The following ZNF44 variants were observed in gnomAD, a reference collection of about 807,000 sequenced individuals.
ZNF44 encodes the protein gonadotropin inducible transcription repressor-2.
ZNF44 carries 9 observed loss-of-function variants against 11.7 expected under a neutral mutation model. That is an observed-to-expected ratio of 0.77 (90% CI 0.46 to 1.35). The LOEUF (loss-of-function observed/expected upper bound fraction) is 1.35, where lower values mean the gene tolerates loss of function less well. Ranked by LOEUF, ZNF44 falls within the 40% of genes most tolerant of loss-of-function variation. The pLI is 0.00. For synonymous variants in ZNF44, 224 were observed against 242.7 expected (o/e 0.92, Z 0.72); for missense variants, 696 against 743.1 (o/e 0.94, Z 0.74).
At chr19:12,253,348 C>A (rs1010254022) in intron 5 of ZNF44, among the ~76,000 whole-genome samples, 1 of 151,882 alleles carries the variant, frequency 6.6e-6, no homozygotes, top group African/African-American at 2.4e-5. Flanking sequence ...TGCCACCACA[C>A]CTGGCTAATT....
intron 1 of ZNF44, among the ~76,000 whole-genome samples, chr19:12,282,680 C>T (rs1967532309): frequency 6.6e-6 from 1 of 152,088 alleles, no homozygotes; most frequent in Non-Finnish European, 1.5e-5. Context: ...ACCTAGGCCT[C>T]CCAAAGTGCT....
chr19:12,235,283 G>A (rs187814031), intron 1 of ZNF44, among the ~76,000 whole-genome samples: 1 of 152,092 alleles, frequency 6.6e-6, no homozygotes, highest in Admixed American at 6.6e-5. Context: ...GCAGGAGAAT[G>A]GCGTGAACCT....
chr19:12,248,091 T>C (rs1182378168), exon 8 of ZNF44: 1 of 1,314,566 alleles, frequency 7.6e-7, no homozygotes, highest in Admixed American at 2.2e-5. Context: ...TATGTAGGTT[T>C]TTCCACATTG....
At chr19:12,259,917 T>C (rs1917429160) in intron 5 of ZNF44, among the ~76,000 whole-genome samples, 1 of 152,194 alleles carries the variant, frequency 6.6e-6, no homozygotes, top group African/African-American at 2.4e-5. Context: ...CAGTCCATCA[T>C]CTAATGGCTG....
intron 5 of ZNF44, among the ~76,000 whole-genome samples, chr19:12,264,211 C>A (rs1385155997): frequency 6.6e-6 from 1 of 152,216 alleles, no homozygotes; most frequent in Non-Finnish European, 1.5e-5. Flanking sequence ...CCCCAGTTTT[C>A]CAATGCTCAG....
Position 12,272,606 on chromosome 19 carries a change from T to C in ZNF44, c.1649A>G (p.His550Arg). ...TCTTTCTCCAGTGTGAGTCCTTTCATGTCTTAGAAGGAAAGAGGGCCAAAA... is the reference window on the plus strand; with the variant it reads ...TCTTTCTCCAGTGTGAGTCCTTTCACGTCTTAGAAGGAAAGAGGGCCAAAA... ...AFFWPSFLLRHERTHTGERPY... is the reference protein window; with the variant it reads ...AFFWPSFLLRRERTHTGERPY... Residue 550 changes from histidine to arginine, a missense_variant, in exon 4 of 4, where the codon CAT (histidine) becomes CGT (arginine). Physicochemically the swap from His to Arg is conservative, Grantham distance 29 (BLOSUM62 0). Coordinates refer to ENST00000355684, the MANE Select transcript of ZNF44 (RefSeq NM_016264.4). 4 of 1,613,372 alleles carry C rather than the reference T, an allele frequency of 2.5e-6. No individual in the cohort carries two copies. Among genetic ancestry groups the C allele is most frequent in the Non-Finnish European group, 3.4e-6 (4 of 1,179,694 alleles).
At chr19:12,242,606 T>C (rs1441188046) in intron 6 of ZNF44, 2 of 145,586 alleles carry the variant, frequency 1.4e-5, no homozygotes, top group Non-Finnish European at 3.0e-5. Context: ...GAAGATCCCT[T>C]GAGCCCAGGA....
chr19:12,229,472 C>T (rs1916064698), intron 3 of ZNF44, among the ~76,000 whole-genome samples: 1 of 151,948 alleles, frequency 6.6e-6, no homozygotes, highest in South Asian at 2.1e-4. Flanking sequence ...CCAAGAGTGG[C>T]AAGACAGAGT....
chr19:12,292,862 T>G (rs944402924), intron 1 of ZNF44, among the ~76,000 whole-genome samples: 11 of 118,200 alleles, frequency 9.3e-5, no homozygotes, highest in East Asian at 4.2e-4. Flanking sequence ...TAGGTTTTTT[T>G]TTTTTTTTTT....
At chr19:12,228,101 AAT>A (rs1232226665) in intron 3 of ZNF44, among the ~76,000 whole-genome samples, 5 of 152,140 alleles carry the variant, frequency 3.3e-5, no homozygotes, top group Non-Finnish European at 5.9e-5. Flanking sequence ...AACTTTAGCC[AAT>A]ATGTTTACAC....
At position 12,287,250 on chromosome 19, in the gene ZNF44, C is replaced by CT. The variant is rs920921546; in HGVS notation, c.3+7441dup. On this transcript the variant is annotated intron_variant, in intron 1 of 3. Coordinates refer to ENST00000355684, the MANE Select transcript of ZNF44 (RefSeq NM_016264.4). ...ACTGTCCACATATATACACATTCTT[C>CT]TTTTTTTTTCCTTGAGACGGAATCT... Among the ~76,000 whole-genome samples, 5 of 151,114 alleles carry CT rather than the reference C, an allele frequency of 3.3e-5. No homozygotes were observed. The South Asian group carries it at 1.0e-3, about 32-fold the overall frequency.
chr19:12,271,120 C>T (rs957658228), downstream of ZNF44, among the ~76,000 whole-genome samples: 3 of 152,102 alleles, frequency 2.0e-5, no homozygotes, highest in Non-Finnish European at 4.4e-5. Flanking sequence ...TTGATTTGGA[C>T]ACGCGAAAAA....
downstream of ZNF44, among the ~76,000 whole-genome samples, chr19:12,244,896 A>T (rs75417344): frequency 6.6e-6 from 1 of 152,330 alleles, no homozygotes; most frequent in African/African-American, 2.4e-5. Context: ...CACAAATCCT[A>T]TAAGAAGTCC....
At position 12,272,370 on chromosome 19, in the gene ZNF44, G is replaced by C. The variant is rs1361236824; in HGVS notation, c.*37C>G. On this transcript the variant is annotated 3_prime_UTR_variant, in exon 4 of 4. Coordinates refer to ENST00000355684, the MANE Select transcript of ZNF44 (RefSeq NM_016264.4). ...TTATTTCTTTCAAGTATCTGAATGT[G>C]ATAAAACCAATGAATGCTTTCCCAC... 6.7e-7 allele frequency: 1 copy of C among 1,487,988 alleles called. No individual in the cohort carries two copies. The highest frequency in any genetic ancestry group is 8.9e-7 in the Non-Finnish European group (1 of 1,121,022). The allele number at this position is 1,487,988 out of a possible 1,614,324, so 92.2% of individuals were successfully genotyped here.
chr19:12,259,228 C>T (rs1447186796), intron 5 of ZNF44, among the ~76,000 whole-genome samples: 1 of 152,078 alleles, frequency 6.6e-6, no homozygotes, highest in South Asian at 2.1e-4. Context: ...AATGACTTAG[C>T]CAACACAATA....
At chr19:12,280,821 T>C (rs553350260) in intron 1 of ZNF44, among the ~76,000 whole-genome samples, 1 of 152,300 alleles carries the variant, frequency 6.6e-6, no homozygotes, top group African/African-American at 2.4e-5. Context: ...TTCAGACAAA[T>C]CAGGTTTTAG....
intron 1 of ZNF44, among the ~76,000 whole-genome samples, chr19:12,236,612 G>A (rs1916398787): frequency 6.6e-6 from 1 of 152,210 alleles, no homozygotes; most frequent in Admixed American, 6.5e-5. Flanking sequence ...TCACTGACCT[G>A]TACTGATGAC....
intron 3 of ZNF44, 35 bp downstream of exon 3, chr19:12,274,938 A>G: frequency 1.3e-6 from 2 of 1,504,886 alleles, no homozygotes; most frequent in Non-Finnish European, 1.8e-6. Context: ...GAAACACTGC[A>G]AGGACATCAC....
intron 5 of ZNF44, among the ~76,000 whole-genome samples, chr19:12,255,795 T>C (rs1917228097): frequency 1.3e-5 from 2 of 152,072 alleles, no homozygotes; most frequent in Non-Finnish European, 2.9e-5. Flanking sequence ...ATGCCAGCAC[T>C]TCGGGAGTCC....
Sources: gnomAD v4.1 joint callset for allele counts (sites outside exome capture counted in the v4.1 genomes callset) on GRCh38, gnomAD v4.1.1 for gene constraint, MANE v1.5 for transcripts, NCBI Gene and HGNC (gene_info 2026-07-23, HGNC 2026-07-21) for gene names.